Variants in FSTL4 observed in about 807,000 individuals in gnomAD.
FSTL4 encodes the protein follistatin like 4.
FSTL4 carries 28 observed loss-of-function variants against 78.2 expected under a neutral mutation model. That is an observed-to-expected ratio of 0.36 (90% CI 0.27 to 0.49). The LOEUF is 0.49. Ranked by LOEUF, FSTL4 falls within the 20% of genes least tolerant of loss-of-function variation. The probability of loss-of-function intolerance (pLI) is 0.98; values close to 1 mark genes in which losing one functional copy is unlikely to be tolerated. For missense variants in FSTL4, 922 were observed against 1,084.9 expected, an observed-to-expected ratio of 0.85 and a Z score of 2.11; for synonymous variants, 422 against 440.5, an observed-to-expected ratio of 0.96 and a Z score of 0.53.
chr5:133,819,428 T>C, the FSTL4 span, among the ~76,000 whole-genome samples: 1 of 152,116 alleles, frequency 6.6e-6, no homozygotes, highest in Admixed American at 6.5e-5. Context: ...CATGGAGGTG[T>C]CATTGCTGAG....
chr5:133,615,748 T>C (rs1037482229), upstream of FSTL4, among the ~76,000 whole-genome samples: 1 of 152,220 alleles, frequency 6.6e-6, no homozygotes, highest in Non-Finnish European at 1.5e-5. Context: ...AGATTACACA[T>C]ACATAATTGT....
chr5:133,785,932 C>T, the FSTL4 span, among the ~76,000 whole-genome samples: 1 of 152,198 alleles, frequency 6.6e-6, no homozygotes, highest in Non-Finnish European at 1.5e-5. Context: ...GTCTGTGCTG[C>T]TGTTAGCCAG....
chr5:133,430,830 A>G (rs1756919610), intron 3 of FSTL4, among the ~76,000 whole-genome samples: 1 of 152,168 alleles, frequency 6.6e-6, no homozygotes, highest in Admixed American at 6.5e-5. Context: ...GCAAAACTAT[A>G]CAGGGGGGTC....
chr5:133,819,101 C>G, the FSTL4 span, among the ~76,000 whole-genome samples: 1 of 150,588 alleles, frequency 6.6e-6, no homozygotes, highest in South Asian at 2.2e-4. Flanking sequence ...TGGGTCGGAA[C>G]CTGCTGTTTC....
chr5:133,486,061 C>T (rs1758126342), intron 3 of FSTL4, among the ~76,000 whole-genome samples: 1 of 152,128 alleles, frequency 6.6e-6, no homozygotes. Flanking sequence ...GGCTCACACT[C>T]ATGAACATGT....
chr5:133,465,290 C>G (rs1470243416), intron 3 of FSTL4, among the ~76,000 whole-genome samples: 1 of 152,206 alleles, frequency 6.6e-6, no homozygotes, highest in African/African-American at 2.4e-5. Context: ...GGCTCAAGTT[C>G]TTATGGCCTC....
chr5:133,375,137 T>C (rs1755398285), intron 4 of FSTL4, among the ~76,000 whole-genome samples: 2 of 151,540 alleles, frequency 1.3e-5, no homozygotes, highest in Admixed American at 6.6e-5. Flanking sequence ...CTGTCTCTCC[T>C]GAAGGGATTC....
At chr5:133,427,830 G>A in intron 3 of FSTL4, 1 of 387,282 alleles carries the variant, frequency 2.6e-6, no homozygotes, top group Non-Finnish European at 5.7e-6. Flanking sequence ...TGGCCATGTG[G>A]CTCCAGAGAA....
intron 3 of FSTL4, among the ~76,000 whole-genome samples, chr5:133,546,977 C>A (rs1460794749): frequency 6.6e-6 from 1 of 152,138 alleles, no homozygotes; most frequent in Non-Finnish European, 1.5e-5. Context: ...ACCCTGGGGG[C>A]CCAGGAAGAG....
At chr5:133,519,693 C>T (rs560254591) in intron 3 of FSTL4, among the ~76,000 whole-genome samples, 1 of 152,270 alleles carries the variant, frequency 6.6e-6, no homozygotes, top group Non-Finnish European at 1.5e-5. Context: ...CAGCAAGATG[C>T]CTTTTATAGA....
intron 7 of FSTL4, among the ~76,000 whole-genome samples, chr5:133,234,028 C>T (rs540664998): frequency 6.6e-6 from 1 of 152,272 alleles, no homozygotes; most frequent in Non-Finnish European, 1.5e-5. Flanking sequence ...CCCAACTCCG[C>T]CACTACAGCA....
intron 3 of FSTL4, among the ~76,000 whole-genome samples, chr5:133,551,452 C>T (rs1759689254): frequency 6.6e-6 from 1 of 152,206 alleles, no homozygotes; most frequent in Non-Finnish European, 1.5e-5. Context: ...AGGGCAGTAA[C>T]TGTTTATCAT....
chr5:133,404,510 C>T (rs1756309912), intron 3 of FSTL4, among the ~76,000 whole-genome samples: 1 of 152,220 alleles, frequency 6.6e-6, no homozygotes, highest in African/African-American at 2.4e-5. Flanking sequence ...ATTAAATTTA[C>T]TGAACATGGT....
the FSTL4 span, among the ~76,000 whole-genome samples, chr5:133,687,103 T>G: frequency 6.6e-6 from 1 of 152,238 alleles, no homozygotes; most frequent in Non-Finnish European, 1.5e-5. Context: ...GACGAGCCTG[T>G]GGCCCAGGGC....
chr5:133,785,949 G>A, the FSTL4 span, among the ~76,000 whole-genome samples: 1 of 152,210 alleles, frequency 6.6e-6, no homozygotes. Flanking sequence ...CCAGGAGGTA[G>A]GACAAGTAGG....
the FSTL4 span, among the ~76,000 whole-genome samples, chr5:133,832,336 A>AT: frequency 3.4e-4 from 52 of 151,670 alleles, no homozygotes; most frequent in Non-Finnish European, 5.7e-4. Flanking sequence ...ACTAGAATTG[A>AT]TTTTTTTTTC....
chr5:133,374,916 A>G (rs752181721), intron 4 of FSTL4, among the ~76,000 whole-genome samples: 1 of 152,154 alleles, frequency 6.6e-6, no homozygotes, highest in Non-Finnish European at 1.5e-5. Flanking sequence ...CAGACTGACT[A>G]AGCACCCCTC....
chr5:133,786,494 A>G, the FSTL4 span, among the ~76,000 whole-genome samples: 1 of 141,162 alleles, frequency 7.1e-6, no homozygotes, highest in African/African-American at 2.6e-5. Flanking sequence ...AGAATTTGCC[A>G]TATAAGCTGC....
chr5:133,276,969 G>A (rs1225455333), intron 6 of FSTL4, among the ~76,000 whole-genome samples: 1 of 152,140 alleles, frequency 6.6e-6, no homozygotes, highest in Non-Finnish European at 1.5e-5. Flanking sequence ...GTATGAGTCC[G>A]TTGATACAAA....
Sources: allele counts gnomAD v4.1 joint callset (sites outside exome capture counted in the v4.1 genomes callset), GRCh38; gene constraint gnomAD v4.1.1; transcripts MANE v1.5; gene names NCBI Gene and HGNC (gene_info 2026-07-23, HGNC 2026-07-21).